The following ZFP62 variants were observed in gnomAD, a reference collection of about 807,000 sequenced individuals.
The protein encoded by ZFP62 is ZFP62 zinc finger protein.
ZFP62 carries 44 observed loss-of-function variants against 56.4 expected under a neutral mutation model. That is an observed-to-expected ratio of 0.78 (90% CI 0.61 to 1.00). The LOEUF (loss-of-function observed/expected upper bound fraction) is 1.00, where lower values mean the gene tolerates loss of function less well. Among genes scored for constraint, ZFP62 ranks in the 50% least tolerant of loss-of-function variants. The pLI is 0.00. For synonymous variants in ZFP62, 421 were observed against 388.9 expected, an observed-to-expected ratio of 1.08 and a Z score of -0.97; for missense variants, 1,030 against 1,085.7, an observed-to-expected ratio of 0.95 and a Z score of 0.72.
downstream of ZFP62, among the ~76,000 whole-genome samples, chr5:180,843,501 A>G (rs1366215361): frequency 1.3e-5 from 2 of 152,182 alleles, no homozygotes; most frequent in Non-Finnish European, 2.9e-5. Context: ...AGAAAGAGAA[A>G]TGCCATATAA....
Position 180,850,929 on chromosome 5 carries a change from C to T in ZFP62, c.566G>A (p.Arg189Gln), listed in dbSNP as rs779737543. 5.8e-6 allele frequency: 9 copies of T among 1,560,734 alleles called. No homozygotes were observed. The highest frequency in any genetic ancestry group is 1.7e-4 in the Middle Eastern group (1 of 6,014). Residue 189 changes from arginine (R) to glutamine (Q), a missense_variant, in exon 2 of 2, where the codon CGG becomes CAG. Physicochemically the swap from Arg to Gln is conservative, Grantham distance 43. Coordinates refer to ENST00000502412, the MANE Select transcript of ZFP62 (RefSeq NM_001172638.2). ...RSSSSLRVHKRIHTGEKPYKC... is the reference protein window; with the variant it reads ...RSSSSLRVHKQIHTGEKPYKC... Reference sequence around the variant, plus strand: ...GTACGGCTTCTCCCCAGTGTGGATCCGTTTGTGGACCCGAAGGCTCGAGCT... The same window carrying T: ...GTACGGCTTCTCCCCAGTGTGGATCTGTTTGTGGACCCGAAGGCTCGAGCT...
chr5:180,840,789 T>TTGTGTGTGTG, the ZFP62 span, among the ~76,000 whole-genome samples: 183 of 146,562 alleles, frequency 1.2e-3, no homozygotes, highest in African/African-American at 4.4e-3. Flanking sequence ...CTAAAACAAT[T>TTGTGTGTGTG]TGTGTGTGTG....
chr5:180,855,273 A>G (rs144057417), intron 1 of ZFP62, among the ~76,000 whole-genome samples: 1 of 152,184 alleles, frequency 6.6e-6, no homozygotes, highest in African/African-American at 2.4e-5. Context: ...TTACCAAACA[A>G]AAAGTTTTTA....
chr5:180,853,655 A>G (rs1194604905), intron 1 of ZFP62, among the ~76,000 whole-genome samples: 1 of 152,260 alleles, frequency 6.6e-6, no homozygotes, highest in African/African-American at 2.4e-5. Flanking sequence ...ACAAAAAAGA[A>G]ATACAGAAGT....
At chr5:180,842,573 G>T in the ZFP62 span, among the ~76,000 whole-genome samples, 1 of 152,152 alleles carries the variant, frequency 6.6e-6, no homozygotes, top group African/African-American at 2.4e-5. Flanking sequence ...AAGAACATGA[G>T]GTCTAACCTA....
At chr5:180,846,882 TCA>T (rs1773424504), downstream of ZFP62, among the ~76,000 whole-genome samples, 1 of 152,188 alleles carries the variant, frequency 6.6e-6, no homozygotes, top group Non-Finnish European at 1.5e-5. Flanking sequence ...GTGTATAGGG[TCA>T]GGCTTGCCAG....
the ZFP62 span, among the ~76,000 whole-genome samples, chr5:180,829,551 G>T: frequency 6.6e-6 from 1 of 150,478 alleles, no homozygotes; most frequent in Non-Finnish European, 1.5e-5. Context: ...ATGGAAAATA[G>T]AAAGAACCTA....
At chr5:180,857,618 C>T (rs1774060368) in intron 1 of ZFP62, among the ~76,000 whole-genome samples, 1 of 152,124 alleles carries the variant, frequency 6.6e-6, no homozygotes. Context: ...CTGCCTCAGC[C>T]TCCCGAGTAG....
the ZFP62 span, among the ~76,000 whole-genome samples, chr5:180,835,987 C>T: frequency 3.9e-5 from 6 of 152,194 alleles, no homozygotes; most frequent in African/African-American, 4.8e-5. Flanking sequence ...ATTATTTTTA[C>T]GGTACCTTTT....
downstream of ZFP62, among the ~76,000 whole-genome samples, chr5:180,846,212 C>A (rs1773408084): frequency 6.6e-6 from 1 of 152,158 alleles, no homozygotes; most frequent in African/African-American, 2.4e-5. Flanking sequence ...GACCTGGGCC[C>A]ATTTCTGGAG....
rs1400862969 is a variant in ZFP62, at chr5:180,847,680, AAG to A, written c.*1110_*1111del. The A allele has an allele frequency of 3.2e-5, 32 of 985,178 alleles. No individual in the cohort carries two copies. Among genetic ancestry groups the A allele is most frequent in the Non-Finnish European group, 3.6e-5 (30 of 829,656 alleles). The allele number at this position is 985,178 out of a possible 1,614,324, so 61.0% of individuals were successfully genotyped here. On this transcript the variant is annotated 3_prime_UTR_variant, in exon 2 of 2. Coordinates refer to ENST00000502412, the MANE Select transcript of ZFP62 (RefSeq NM_001172638.2). ...CCACAAGGAGCTGGCTTTCATGACA[AAG>A]AGAGAGTGAGCCCTGAACAAAGTAT...
At chr5:180,847,197 G>A (rs1057081806), downstream of ZFP62, among the ~76,000 whole-genome samples, 1 of 152,228 alleles carries the variant, frequency 6.6e-6, no homozygotes, top group African/African-American at 2.4e-5. Flanking sequence ...TTCAGCCTTT[G>A]CTGATTGGCC....
chr5:180,827,113 A>T, the ZFP62 span, among the ~76,000 whole-genome samples: 2 of 152,220 alleles, frequency 1.3e-5, no homozygotes, highest in South Asian at 2.1e-4. Context: ...GACACCAAAC[A>T]CACTGGCTTC....
At chr5:180,845,007 T>C (rs112180091), downstream of ZFP62, among the ~76,000 whole-genome samples, 6,319 of 152,114 alleles carry the variant, frequency 0.042, 387 homozygotes, top group African/African-American at 0.13. Flanking sequence ...CAACCTGAGG[T>C]TGCTACTATT....
In ZFP62 at chr5:180,848,572, C is replaced by T; in HGVS notation, c.*220G>A. ...ATCACTCAGATCTAAGTTTTTCTCTCAAGTATGGACTGTTTTATATCCTGT... is the reference window on the plus strand; with the variant it reads ...ATCACTCAGATCTAAGTTTTTCTCTTAAGTATGGACTGTTTTATATCCTGT... On this transcript the variant is annotated 3_prime_UTR_variant, in exon 2 of 2. Coordinates refer to ENST00000502412, the MANE Select transcript of ZFP62 (RefSeq NM_001172638.2). 1 of 1,246,326 alleles carries T rather than the reference C, an allele frequency of 8.0e-7. No individual in the cohort carries two copies. Among genetic ancestry groups the T allele is most frequent in the African/African-American group, 1.5e-5 (1 of 65,936 alleles). 77.2% of individuals were successfully genotyped at this position (1,246,326 alleles called of 1,614,324 possible). A position where few individuals can be genotyped will look rare whatever the true frequency, so the allele number is the denominator to read the frequency against.
chr5:180,841,162 T>C, the ZFP62 span, among the ~76,000 whole-genome samples: 46 of 152,190 alleles, frequency 3.0e-4, no homozygotes, highest in Admixed American at 1.4e-3. Context: ...ATCCCAGATA[T>C]TGTTTTGTGG....
In ZFP62 at chr5:180,861,235, G is replaced by A. The variant is rs1452202540; in HGVS notation, c.-16C>T. On this transcript the variant is annotated 5_prime_UTR_variant, in exon 1 of 2. Coordinates refer to ENST00000502412, the MANE Select transcript of ZFP62 (RefSeq NM_001172638.2). The stretch of plus-strand genomic sequence containing the variant: ...CTCACGTACTGGCTGTGGCGGCGCC[G>A]CGGGAACCCGGCCGCCAGCGGGACA... 1.0e-5 allele frequency: 4 copies of A among 397,934 alleles called. No individual in the cohort carries two copies. Among genetic ancestry groups the A allele is most frequent in the Non-Finnish European group, 1.8e-5 (4 of 225,662 alleles). The allele number at this position is 397,934 out of a possible 1,614,324, so 24.7% of individuals were successfully genotyped here.
At chr5:180,829,607 G>A in the ZFP62 span, among the ~76,000 whole-genome samples, 9 of 152,156 alleles carry the variant, frequency 5.9e-5, no homozygotes, top group East Asian at 3.8e-4. Flanking sequence ...GGCCCCTATC[G>A]GGTTCCCCCG....
the ZFP62 span, among the ~76,000 whole-genome samples, chr5:180,841,188 G>T: frequency 6.6e-6 from 1 of 151,936 alleles, no homozygotes; most frequent in Non-Finnish European, 1.5e-5. Context: ...AAATGAACTT[G>T]CTGGATAAGA....
Sources: allele counts gnomAD v4.1 joint callset (sites outside exome capture counted in the v4.1 genomes callset), GRCh38; gene constraint gnomAD v4.1.1; transcripts MANE v1.5; gene names NCBI Gene and HGNC (gene_info 2026-07-23, HGNC 2026-07-21).